The following ANTXR1 variants were observed in gnomAD, a reference collection of about 807,000 sequenced individuals.
ANTXR1 encodes the protein anthrax toxin receptor 1.
Under a neutral mutation model 78.1 loss-of-function variants are expected in ANTXR1, and 19 were observed. The observed-to-expected ratio is 0.24, with a 90% CI of 0.17 to 0.36. The LOEUF (loss-of-function observed/expected upper bound fraction) is 0.36. Ranked by LOEUF, ANTXR1 falls within the 10% of genes least tolerant of loss-of-function variation. The pLI, the probability that ANTXR1 is intolerant of heterozygous loss-of-function variation, is 1.00. For synonymous variants in ANTXR1, 273 were observed against 260.5 expected, an observed-to-expected ratio of 1.05 and a Z score of -0.46; for missense variants, 518 against 718.6, an observed-to-expected ratio of 0.72 and a Z score of 3.19.
chr2:69,019,550 G>A (rs1671120784), intron 1 of ANTXR1, among the ~76,000 whole-genome samples: 1 of 150,696 alleles, frequency 6.6e-6, no homozygotes, highest in Non-Finnish European at 1.5e-5. Flanking sequence ...CAACTTTTAA[G>A]TTCAGGGGTA....
chr2:69,176,171 TA>T (rs5831965), intron 14 of ANTXR1, among the ~76,000 whole-genome samples: 1,619 of 138,770 alleles, frequency 0.012, 3 homozygotes, highest in Admixed American at 0.016. Flanking sequence ...TTTAATACTT[TA>T]AAAAAAAAAA....
chr2:69,213,850 C>T (rs1381350142), intron 17 of ANTXR1, among the ~76,000 whole-genome samples: 1 of 152,250 alleles, frequency 6.6e-6, no homozygotes, highest in African/African-American at 2.4e-5. Flanking sequence ...GTCAACATTC[C>T]CTGTGACTTT....
Position 69,013,201 on chromosome 2 carries a change from A to C in ANTXR1, c.-299A>C. ...GGGACGGAACTCCTTCCATTGCAAAAGCTCGGCGCGGCCTCGGGAGCTGCC... is the reference window on the plus strand; with the variant it reads ...GGGACGGAACTCCTTCCATTGCAAACGCTCGGCGCGGCCTCGGGAGCTGCC... On this transcript the variant is annotated 5_prime_UTR_variant, in exon 1 of 18. Coordinates refer to ENST00000303714, the MANE Select transcript of ANTXR1 (RefSeq NM_032208.3). The surrounding 1 kb of genome is among the most constrained non-coding windows in gnomAD (Gnocchi z 5.0). 1 of 341,524 alleles carries C rather than the reference A, an allele frequency of 2.9e-6. No individual in the cohort carries two copies. Among genetic ancestry groups the C allele is most frequent in the Non-Finnish European group, 5.5e-6 (1 of 182,734 alleles). 21.2% of individuals were successfully genotyped at this position (341,524 alleles called of 1,614,324 possible). A position where few individuals can be genotyped will look rare whatever the true frequency, so the allele number is the denominator to read the frequency against.
chr2:69,191,325 ATGTGTATATAATCC>A (rs1446883264), intron 16 of ANTXR1, among the ~76,000 whole-genome samples: 2 of 152,252 alleles, frequency 1.3e-5, no homozygotes, highest in African/African-American at 4.8e-5. Context: ...ACAATTTTAT[ATGTGTATATAATCC>A]ACCAGAAAAT....
chr2:69,245,336 C>A lies in ANTXR1; in HGVS notation c.1546C>A (p.Pro516Thr). Residue 516 changes from proline (P) to threonine (T), a missense_variant, in exon 18 of 18, where the codon CCT becomes ACT. By Grantham distance (38) the Pro-to-Thr change is conservative. Around this residue, in one of 5 missense-constraint regions of ANTXR1, gnomAD observed 192 missense variants for 230.2 expected, o/e 0.83. Transcript: ENST00000303714. ...TCCTGCCCCCATCTACACTCCCCCA[C>A]CTCCTGCGCCCCACTGCCCTCCCCC... is the stretch of plus-strand genomic sequence containing the variant. ...PPPAPIYTPP[P>T]PAPHCPPPPP... 3 of 1,587,192 alleles carry A rather than the reference C, an allele frequency of 1.9e-6. No individual in the cohort carries two copies. Among genetic ancestry groups the A allele is most frequent in the Middle Eastern group, 3.3e-4 (2 of 6,022 alleles).
At position 69,123,029 on chromosome 2, in the gene ANTXR1, T is replaced by G. The variant is rs1210172566; in HGVS notation, c.815T>G (p.Phe272Cys). 6.2e-7 allele frequency: 1 copy of G among 1,614,066 alleles called. No individual in the cohort carries two copies. Among genetic ancestry groups the G allele is most frequent in the Non-Finnish European group, 8.5e-7 (1 of 1,180,042 alleles). ...TTCCTTTTTGCAGATGAGAAGCCCT[T>G]TTCTGTGGAAGATACTTATTTACTG... ...NDSVTLNEKP[F>C]SVEDTYLLCP... The change falls in exon 11 of 18, where the codon TTT (phenylalanine) becomes TGT (cysteine). Residue 272 changes from phenylalanine (F) to cysteine (C), a missense_variant. Around this residue, in one of 5 missense-constraint regions of ANTXR1, gnomAD observed 264 missense variants for 391.8 expected, o/e 0.67. Coordinates refer to ENST00000303714, the MANE Select transcript of ANTXR1 (RefSeq NM_032208.3).
chr2:69,126,146 C>A (rs776350230), intron 12 of ANTXR1, among the ~76,000 whole-genome samples: 17 of 152,182 alleles, frequency 1.1e-4, no homozygotes, highest in Non-Finnish European at 1.9e-4. Context: ...CATAAAAGAA[C>A]AGGAAGCCAG....
chr2:69,121,221 G>A (rs35027543), intron 10 of ANTXR1, among the ~76,000 whole-genome samples: 12,689 of 152,114 alleles, frequency 0.083, 708 homozygotes, highest in East Asian at 0.32. Context: ...TATCTGTTTC[G>A]TTCATTGCAA....
intron 17 of ANTXR1, among the ~76,000 whole-genome samples, chr2:69,224,578 G>T (rs1675396771): frequency 6.6e-6 from 1 of 151,940 alleles, no homozygotes; most frequent in African/African-American, 2.4e-5. Context: ...CCATCCCTAG[G>T]GAGAGAGCCT....
In ANTXR1 at chr2:69,090,785, T is replaced by G. The variant is rs957294547; in HGVS notation, c.643-74T>G. On this transcript the variant is annotated intron_variant, in intron 8 of 17. Transcript: ENST00000303714. Reference sequence around the variant, plus strand: ...ACCTTCCTATCTCTATCTCAGTAGCTAAAAGCAGAACCCTGATTCTGTCTT... The same window carrying G: ...ACCTTCCTATCTCTATCTCAGTAGCGAAAAGCAGAACCCTGATTCTGTCTT... 3.9e-6 allele frequency: 6 copies of G among 1,525,480 alleles called. No homozygotes were observed. In the Admixed American group the frequency reaches 5.0e-5, roughly 13 times the overall value. The allele number at this position is 1,525,480 out of a possible 1,614,324, so 94.5% of individuals were successfully genotyped here.
chr2:69,054,316 G>C (rs750694196), intron 3 of ANTXR1, among the ~76,000 whole-genome samples: 1 of 152,006 alleles, frequency 6.6e-6, no homozygotes, highest in African/African-American at 2.4e-5. Context: ...TTACTATTAC[G>C]TACAGTTTTA....
At chr2:69,209,570 G>A (rs1173446399) in intron 17 of ANTXR1, among the ~76,000 whole-genome samples, 1 of 152,252 alleles carries the variant, frequency 6.6e-6, no homozygotes, top group Non-Finnish European at 1.5e-5. Flanking sequence ...AATCAAAACA[G>A]TGTGATGAGT....
intron 12 of ANTXR1, among the ~76,000 whole-genome samples, chr2:69,137,206 T>C (rs1672934649): frequency 6.6e-6 from 1 of 152,166 alleles, no homozygotes. Flanking sequence ...AAGTTTATGG[T>C]TCTACTTTTT....
At chr2:69,121,660 A>C (rs1346385976) in intron 10 of ANTXR1, among the ~76,000 whole-genome samples, 1 of 152,208 alleles carries the variant, frequency 6.6e-6, no homozygotes, top group Non-Finnish European at 1.5e-5. Context: ...TTATCCTTTA[A>C]TAATATATGT....
chr2:69,145,711 T>C (rs1673206084), intron 12 of ANTXR1: 1 of 1,084,890 alleles, frequency 9.2e-7, no homozygotes, highest in Non-Finnish European at 1.1e-6. Context: ...TCCCCCAGGC[T>C]CCCACTAATT....
chr2:69,070,818 A>G lies in ANTXR1; in HGVS notation c.378+90A>G. The G allele has an allele frequency of 8.2e-6, 10 of 1,222,728 alleles. No individual in the cohort carries two copies. In the South Asian group the frequency reaches 1.2e-4, roughly 15 times the overall value. 75.7% of individuals were successfully genotyped at this position (1,222,728 alleles called of 1,614,324 possible). ...CTGATGAGATAAGGCACTTATATTA[A>G]GAGGGCTGACTAGCACCCAATAGCA... On this transcript the variant is annotated intron_variant, in intron 4 of 17. Transcript: ENST00000303714.
intron 12 of ANTXR1, among the ~76,000 whole-genome samples, chr2:69,143,136 T>A (rs946291527): frequency 6.6e-6 from 1 of 152,130 alleles, no homozygotes; most frequent in Non-Finnish European, 1.5e-5. Context: ...CCAACTGCAG[T>A]GTAGAAGATG....
At chr2:69,213,852 T>C (rs1675111720) in intron 17 of ANTXR1, among the ~76,000 whole-genome samples, 1 of 152,284 alleles carries the variant, frequency 6.6e-6, no homozygotes, top group Non-Finnish European at 1.5e-5. Context: ...CAACATTCCC[T>C]GTGACTTTTA....
At chr2:69,105,062 G>A (rs1349955349) in intron 10 of ANTXR1, among the ~76,000 whole-genome samples, 1 of 152,170 alleles carries the variant, frequency 6.6e-6, no homozygotes, top group Admixed American at 6.5e-5. Context: ...CTCCAGCCTG[G>A]GTGACAGAGT....
Sources: allele counts gnomAD v4.1 joint callset (sites outside exome capture counted in the v4.1 genomes callset), GRCh38; gene constraint gnomAD v4.1.1; regional missense constraint gnomAD v4.1.1; non-coding constraint Gnocchi (gnomAD v3.1); transcripts MANE v1.5; gene names NCBI Gene and HGNC (gene_info 2026-07-23, HGNC 2026-07-21).